DZIP3: variants seen among roughly 807,000 people sequenced by gnomAD.
DZIP3 encodes the protein E3 ubiquitin-protein ligase DZIP3.
Under a neutral mutation model 162.0 loss-of-function variants are expected in DZIP3, and 118 were observed. The ratio of observed to expected loss-of-function variants is 0.73; its 90% CI spans 0.63 to 0.85. DZIP3 has a LOEUF of 0.85. Among genes scored for constraint, DZIP3 ranks in the 40% least tolerant of loss-of-function variants. The pLI is 0.00. For synonymous variants in DZIP3, 438 were observed against 458.6 expected (o/e 0.96, Z 0.57); for missense variants, 1,331 against 1,407.0 (o/e 0.95, Z 0.86).
chr3:108,671,237 C>CA (rs1233190481), intron 22 of DZIP3, among the ~76,000 whole-genome samples: 1 of 151,668 alleles, frequency 6.6e-6, no homozygotes, highest in East Asian at 1.9e-4. Flanking sequence ...TTTTTCTCCT[C>CA]AAAAAAGTCT....
chr3:108,640,396 C>CTT lies in DZIP3; in HGVS notation c.1065-2026_1065-2025dup, dbSNP rs34733401. Among the ~76,000 whole-genome samples the CTT allele has an allele frequency of 9.2e-3, 932 of 101,834 alleles. 19 individuals are homozygous for CTT. The highest frequency in any genetic ancestry group is 0.028 in the African/African-American group (682 of 24,512). The allele number at this position is 101,834 out of a possible 152,430, so 66.8% of individuals were successfully genotyped here. A position where few individuals can be genotyped will look rare whatever the true frequency, so the allele number is the denominator to read the frequency against. The stretch of plus-strand genomic sequence containing the variant: ...CTACACACACATCTAGAATTGTTAC[C>CTT]TTTTTTTTTTTTTTTTTGACAATTT... On this transcript the variant is annotated intron_variant, in intron 12 of 32. Coordinates refer to ENST00000361582, the MANE Select transcript of DZIP3 (RefSeq NM_014648.4).
intron 31 of DZIP3, among the ~76,000 whole-genome samples, chr3:108,690,046 T>TC (rs1212275030): frequency 6.6e-6 from 1 of 152,202 alleles, no homozygotes; most frequent in Non-Finnish European, 1.5e-5. Flanking sequence ...CCATTGACTT[T>TC]CCCCTTTGAA....
At position 108,677,528 on chromosome 3, in the gene DZIP3, A is replaced by G. The variant is rs1159262878; in HGVS notation, c.2813A>G (p.Lys938Arg). 22 of 1,612,562 alleles carry G rather than the reference A, an allele frequency of 1.4e-5. No homozygotes were observed. Among genetic ancestry groups the G allele is most frequent in the Admixed American group, 3.3e-5 (2 of 59,894 alleles). The change falls in exon 26 of 33, where the codon AAG (lysine) becomes AGG (arginine). Residue 938 changes from lysine (K) to arginine (R), a missense_variant. By Grantham distance (26) the Lys-to-Arg change is conservative. Around this residue, in one of 2 missense-constraint regions of DZIP3, gnomAD observed 1,278 missense variants for 1,317.1 expected, o/e 0.97. Transcript: ENST00000361582. ...TQYNEQINKVKQGFALSTLPP... is the reference protein window; with the variant it reads ...TQYNEQINKVRQGFALSTLPP... ...TACAATGAACAAATAAACAAAGTCA[A>G]GCAAGGATTTGCCTTGAGTACCTTG... is the stretch of plus-strand genomic sequence containing the variant.
intron 6 of DZIP3, 91 bp from the exon 7 acceptor site, chr3:108,625,754 C>G: frequency 7.6e-7 from 1 of 1,307,604 alleles, no homozygotes. Flanking sequence ...TAAAGCTGCC[C>G]TAATTTCTCC....
At chr3:108,620,884 C>T (rs1351832563) in intron 5 of DZIP3, among the ~76,000 whole-genome samples, 2 of 152,142 alleles carry the variant, frequency 1.3e-5, no homozygotes, top group East Asian at 1.9e-4. Context: ...TGCAGTGGCA[C>T]GATCTCGGCT....
In DZIP3 at chr3:108,690,870, C is replaced by T; in HGVS notation, c.3600C>T (p.His1200=). Residue 1200 remains histidine, a synonymous_variant, in exon 32 of 33, where the codon CAC becomes CAT. Coordinates refer to ENST00000361582, the MANE Select transcript of DZIP3 (RefSeq NM_014648.4). The part of the protein sequence containing the change: ...HVLLPEEFPG[H]PSRQLPKI ...TGCTACCAGAAGAATTCCCTGGTCACCCCAGCCGGCAGTTGCCCAAGATCT... is the reference window on the plus strand; with the variant it reads ...TGCTACCAGAAGAATTCCCTGGTCATCCCAGCCGGCAGTTGCCCAAGATCT... 6.2e-7 allele frequency: 1 copy of T among 1,614,118 alleles called. No homozygotes were observed. The highest frequency in any genetic ancestry group is 8.5e-7 in the Non-Finnish European group (1 of 1,179,982).
chr3:108,624,369 G>T (rs1941500215), intron 5 of DZIP3, 75 bp from the exon 6 acceptor site: 2 of 767,082 alleles, frequency 2.6e-6, no homozygotes, highest in South Asian at 1.6e-5. Context: ...TTAAGCTTAG[G>T]ATATTTAATT....
At chr3:108,684,589 T>C (rs1329033815) in intron 27 of DZIP3, among the ~76,000 whole-genome samples, 1 of 152,200 alleles carries the variant, frequency 6.6e-6, no homozygotes, top group Non-Finnish European at 1.5e-5. Context: ...CTTAAAATTA[T>C]AGTATTGCTT....
chr3:108,690,887 C>A lies in DZIP3; in HGVS notation c.3617C>A (p.Pro1206His). ...CCTGGTCACCCCAGCCGGCAGTTGC[C>A]CAAGATCTGATACAAGGTCGGGGTG... ...EFPGHPSRQL[P>H]KI The change falls in exon 32 of 33, where the codon CCC (proline) becomes CAC (histidine). Residue 1206 changes from proline (P) to histidine (H), a missense_variant. Around this residue, in one of 2 missense-constraint regions of DZIP3, gnomAD observed 53 missense variants for 89.9 expected, o/e 0.59. Coordinates refer to ENST00000361582, the MANE Select transcript of DZIP3 (RefSeq NM_014648.4). The A allele has an allele frequency of 6.2e-7, 1 of 1,614,052 alleles. No homozygotes were observed.
Position 108,633,046 on chromosome 3 carries a change from G to A in DZIP3, c.790G>A (p.Asp264Asn), listed in dbSNP as rs146872614. The part of the protein sequence containing the change: ...YLDCERSCEA[D>N]ILKNTSYKGF... ...AGATTGTGAACGATCTTGTGAAGCT[G>A]ACATTTTGAAGAACACCAGTTATAA... is the stretch of plus-strand genomic sequence containing the variant. The change falls in exon 9 of 33, where the codon GAC becomes AAC. Residue 264 changes from aspartate to asparagine, a missense_variant. Around this residue, in one of 2 missense-constraint regions of DZIP3, gnomAD observed 1,278 missense variants for 1,317.1 expected, o/e 0.97. Coordinates refer to ENST00000361582, the MANE Select transcript of DZIP3 (RefSeq NM_014648.4). 260 of 1,477,862 alleles carry A rather than the reference G, an allele frequency of 1.8e-4. No homozygotes were observed. The highest frequency in any genetic ancestry group is 2.2e-4 in the Non-Finnish European group (249 of 1,110,798). 91.5% of individuals were successfully genotyped at this position (1,477,862 alleles called of 1,614,324 possible).
rs10711080 is a variant in DZIP3, at chr3:108,636,728, CTTT to C, written c.1011+30_1011+32del. 1.5e-4 allele frequency: 139 copies of C among 930,132 alleles called. No homozygotes were observed. The highest frequency in any genetic ancestry group is 3.7e-4 in the Admixed American group (13 of 34,764). The allele number at this position is 930,132 out of a possible 1,614,324, so 57.6% of individuals were successfully genotyped here. A position where few individuals can be genotyped will look rare whatever the true frequency, so the allele number is the denominator to read the frequency against. On this transcript the variant is annotated intron_variant, in intron 11 of 32. Transcript: ENST00000361582. ...ATTTTGGTGAGTATCTTGTTTTGTC[CTTT>C]TTTTTTTTTCTTGCTTTCCTTCCTT... is the stretch of plus-strand genomic sequence containing the variant.
intron 18 of DZIP3, 69 bp downstream of exon 18, chr3:108,651,231 A>G (rs560892162): frequency 1.1e-4 from 57 of 541,678 alleles, no homozygotes; most frequent in Admixed American, 7.5e-4. Flanking sequence ...CTAATATGAC[A>G]CAGGCTTCCT....
At chr3:108,683,897 C>T (rs968857969) in intron 26 of DZIP3, among the ~76,000 whole-genome samples, 2 of 152,128 alleles carry the variant, frequency 1.3e-5, no homozygotes, top group African/African-American at 4.8e-5. Context: ...TAATGATTAC[C>T]TTATCCAACC....
At chr3:108,614,642 G>A (rs940862809) in intron 4 of DZIP3, among the ~76,000 whole-genome samples, 2 of 151,910 alleles carry the variant, frequency 1.3e-5, no homozygotes, top group Non-Finnish European at 2.9e-5. Flanking sequence ...TTCTAGAACA[G>A]GAGAAAGCTA....
chr3:108,688,652 G>C lies in DZIP3; in HGVS notation c.3330G>C (p.Gln1110His). Residue 1110 changes from glutamine to histidine, a missense_variant, in exon 30 of 33, where the codon CAG (glutamine) becomes CAC (histidine). By Grantham distance (24) the Gln-to-His change is conservative. This residue lies in a region of DZIP3 where 1,278 missense variants were observed against 1,317.1 expected (regional missense o/e 0.97). Coordinates refer to ENST00000361582, the MANE Select transcript of DZIP3 (RefSeq NM_014648.4). The stretch of plus-strand genomic sequence containing the variant: ...TTTCACCTAGTCATTCTCCATCACA[G>C]CCTGATGCTGCCCAGCCCCCAAAAC... ...NCVSPSHSPS[Q>H]PDAAQPPKPA... 6.2e-7 allele frequency: 1 copy of C among 1,614,110 alleles called. No homozygotes were observed. The highest frequency in any genetic ancestry group is 8.5e-7 in the Non-Finnish European group (1 of 1,180,018).
chr3:108,685,649 C>T (rs1944471006), intron 27 of DZIP3, among the ~76,000 whole-genome samples: 1 of 152,128 alleles, frequency 6.6e-6, no homozygotes, highest in African/African-American at 2.4e-5. Context: ...CCACTTTTGT[C>T]TACAACATTG....
chr3:108,631,613 A>G (rs1941894694), intron 8 of DZIP3, among the ~76,000 whole-genome samples: 1 of 136,184 alleles, frequency 7.3e-6, no homozygotes, highest in Non-Finnish European at 1.6e-5. Flanking sequence ...TTTAGTAAAG[A>G]CAGTCTCAGT....
chr3:108,658,759 A>G (rs1477791857), intron 19 of DZIP3, among the ~76,000 whole-genome samples: 4 of 152,190 alleles, frequency 2.6e-5, no homozygotes, highest in Non-Finnish European at 4.4e-5. Flanking sequence ...CTAATAAAGA[A>G]GAAAAGAGAG....
chr3:108,689,043 A>C (rs1284126796), intron 31 of DZIP3, 119 bp downstream of exon 31: 1 of 962,446 alleles, frequency 1.0e-6, no homozygotes, highest in Non-Finnish European at 1.6e-6. Context: ...TATAACTCTG[A>C]GCTTTTGGGT....
Sources: allele counts gnomAD v4.1 joint callset (sites outside exome capture counted in the v4.1 genomes callset), GRCh38; gene constraint gnomAD v4.1.1; regional missense constraint gnomAD v4.1.1; transcripts MANE v1.5; gene names NCBI Gene and HGNC (gene_info 2026-07-23, HGNC 2026-07-21).